CDH12: variants seen among roughly 807,000 people sequenced by gnomAD.
The protein encoded by CDH12 is cadherin 12, also known as cadherin-12.
In CDH12, 41 loss-of-function variants were observed where a neutral mutation model predicts 74.1. The ratio of observed to expected loss-of-function variants is 0.55; its 90% CI spans 0.43 to 0.72. CDH12 has a LOEUF of 0.72. CDH12 is among the 30% of genes least tolerant of loss of function. The pLI, the probability that CDH12 is intolerant of heterozygous loss-of-function variation, is 0.00. For missense variants in CDH12, 945 were observed against 977.2 expected (o/e 0.97, Z 0.44); for synonymous variants, 399 against 355.0 (o/e 1.12, Z -1.39).
chr5:22,472,547 T>A lies in CDH12; in HGVS notation c.-428+32723A>T, dbSNP rs998355736. On this transcript the variant is annotated intron_variant, in intron 2 of 14. Coordinates refer to ENST00000382254, the MANE Select transcript of CDH12 (RefSeq NM_004061.5). ...GTTAAGCTGGATTTCTTGTAGGAAT[T>A]TAAATGCTAATATTTCCAAACTCTA... Among the ~76,000 whole-genome samples the A allele has an allele frequency of 2.3e-4, 35 of 152,266 alleles. No individual in the cohort carries two copies. In the East Asian group the frequency reaches 2.7e-3, roughly 12 times the overall value.
At chr5:22,270,948 C>G (rs984824532) in intron 3 of CDH12, among the ~76,000 whole-genome samples, 4 of 152,114 alleles carry the variant, frequency 2.6e-5, no homozygotes, top group Non-Finnish European at 4.4e-5. Context: ...GCTGGGATTA[C>G]AGATGTGAGC....
chr5:22,819,710 A>G (rs1749570999), intron 1 of CDH12, among the ~76,000 whole-genome samples: 1 of 151,800 alleles, frequency 6.6e-6, no homozygotes, highest in Non-Finnish European at 1.5e-5. Flanking sequence ...TGAAATTATC[A>G]AACGCAATAC....
chr5:22,731,032 T>C (rs1278622959), intron 1 of CDH12, among the ~76,000 whole-genome samples: 1 of 151,800 alleles, frequency 6.6e-6, no homozygotes, highest in African/African-American at 2.4e-5. Flanking sequence ...TTCAGATGTG[T>C]TTACTCTTCT....
At chr5:21,813,037 A>G (rs1203114685) in intron 9 of CDH12, among the ~76,000 whole-genome samples, 3 of 152,112 alleles carry the variant, frequency 2.0e-5, no homozygotes, top group African/African-American at 4.8e-5. Context: ...GAATCTCACA[A>G]TCTCTCACCA....
intron 3 of CDH12, among the ~76,000 whole-genome samples, chr5:22,397,828 A>G (rs1742528619): frequency 6.6e-6 from 1 of 152,112 alleles, no homozygotes. Flanking sequence ...CTAATCCAAT[A>G]TGATTGATGC....
intron 7 of CDH12, among the ~76,000 whole-genome samples, chr5:21,851,011 A>T (rs1750436247): frequency 6.6e-6 from 1 of 151,414 alleles, no homozygotes; most frequent in African/African-American, 2.4e-5. Context: ...TTGTACACTT[A>T]AAATGGTAAA....
chr5:22,298,248 GTA>G (rs958674121), intron 3 of CDH12, among the ~76,000 whole-genome samples: 4 of 151,298 alleles, frequency 2.6e-5, no homozygotes, highest in Non-Finnish European at 4.4e-5. Context: ...ATATTCATGT[GTA>G]TGTGTGTATA....
chr5:22,144,641 T>C (rs3020551), intron 4 of CDH12, among the ~76,000 whole-genome samples: 24,216 of 152,034 alleles, frequency 0.16, 2,344 homozygotes, highest in African/African-American at 0.28. Context: ...TAATACTGGT[T>C]CTCTACCTGC....
At chr5:22,466,525 G>A (rs191102197) in intron 2 of CDH12, among the ~76,000 whole-genome samples, 271 of 152,214 alleles carry the variant, frequency 1.8e-3, no homozygotes, top group African/African-American at 6.3e-3. Flanking sequence ...GAGACTCTGC[G>A]TTTGTGCAGG....
At chr5:22,669,963 A>T (rs948276919) in intron 1 of CDH12, among the ~76,000 whole-genome samples, 3 of 152,186 alleles carry the variant, frequency 2.0e-5, no homozygotes, top group African/African-American at 7.2e-5. Flanking sequence ...ATTTTCATGC[A>T]TTGATTTTCA....
At chr5:22,312,377 ACT>A (rs1392425685) in intron 3 of CDH12, among the ~76,000 whole-genome samples, 1 of 152,066 alleles carries the variant, frequency 6.6e-6, no homozygotes, top group Admixed American at 6.6e-5. Flanking sequence ...ATGTTAGATA[ACT>A]CTCGAAAAAT....
chr5:21,874,537 G>A (rs1305973761), intron 6 of CDH12, among the ~76,000 whole-genome samples: 1 of 152,152 alleles, frequency 6.6e-6, no homozygotes, highest in Non-Finnish European at 1.5e-5. Context: ...CAATGATTGG[G>A]ATATAAACCC....
intron 2 of CDH12, among the ~76,000 whole-genome samples, chr5:22,504,174 TG>T (rs1021358409): frequency 3.3e-5 from 5 of 151,810 alleles, no homozygotes; most frequent in Non-Finnish European, 7.4e-5. Flanking sequence ...GAGATGACCA[TG>T]GGGGGAGAGG....
intron 6 of CDH12, among the ~76,000 whole-genome samples, chr5:21,873,627 T>A (rs957687336): frequency 2.6e-5 from 4 of 151,392 alleles, no homozygotes; most frequent in Non-Finnish European, 5.9e-5. Flanking sequence ...TTTTTAAAAA[T>A]TTTATTTTAT....
intron 5 of CDH12, among the ~76,000 whole-genome samples, chr5:22,021,514 T>C (rs1182830585): frequency 6.6e-6 from 1 of 152,164 alleles, no homozygotes; most frequent in African/African-American, 2.4e-5. Context: ...GTCCCTGACT[T>C]AAGGTGGTTT....
At chr5:21,830,881 C>CA (rs70957071) in intron 8 of CDH12, among the ~76,000 whole-genome samples, 9,265 of 151,106 alleles carry the variant, frequency 0.061, 350 homozygotes, top group East Asian at 0.15. Context: ...ACTAAAAATA[C>CA]AAAAAAAATT....
At chr5:22,564,922 A>G (rs1245079873) in intron 1 of CDH12, among the ~76,000 whole-genome samples, 3 of 152,020 alleles carry the variant, frequency 2.0e-5, no homozygotes, top group Admixed American at 2.0e-4. Flanking sequence ...TATACTGATT[A>G]CCTTTTTTTC....
intron 5 of CDH12, among the ~76,000 whole-genome samples, chr5:21,982,439 C>T (rs941748519): frequency 4.5e-4 from 68 of 150,902 alleles, no homozygotes; most frequent in African/African-American, 6.6e-4. Flanking sequence ...CTTTATATAT[C>T]GATATATAGA....
chr5:21,993,661 AG>A (rs760126485), intron 5 of CDH12, among the ~76,000 whole-genome samples: 4 of 152,278 alleles, frequency 2.6e-5, no homozygotes, highest in Non-Finnish European at 4.4e-5. Context: ...TTATCTTCAA[AG>A]CTGCTTCTTC....
Sources: allele counts gnomAD v4.1 joint callset (sites outside exome capture counted in the v4.1 genomes callset), GRCh38; gene constraint gnomAD v4.1.1; transcripts MANE v1.5; gene names NCBI Gene and HGNC (gene_info 2026-07-23, HGNC 2026-07-21).